ANKRD44: variants seen among roughly 807,000 people sequenced by gnomAD.
ANKRD44 encodes the protein ankyrin repeat domain 44.
A neutral mutation model predicts 116.0 loss-of-function variants in ANKRD44; 35 were observed. That is an observed-to-expected ratio of 0.30 (90% CI 0.23 to 0.40). ANKRD44 has a LOEUF of 0.40. Ranked by LOEUF, ANKRD44 falls within the 10% of genes least tolerant of loss-of-function variation. The probability of loss-of-function intolerance (pLI) is 1.00; values close to 1 mark genes in which losing one functional copy is unlikely to be tolerated. For missense variants in ANKRD44, 1,014 were observed against 1,242.6 expected, an observed-to-expected ratio of 0.82 and a Z score of 2.77; for synonymous variants, 435 against 461.8, an observed-to-expected ratio of 0.94 and a Z score of 0.74.
chr2:197,105,799 G>A (rs1452773193), intron 9 of ANKRD44, among the ~76,000 whole-genome samples: 1 of 152,166 alleles, frequency 6.6e-6, no homozygotes, highest in Non-Finnish European at 1.5e-5. Context: ...ATACCTCAGA[G>A]CAATCCAGTG....
downstream of ANKRD44, among the ~76,000 whole-genome samples, chr2:196,985,003 G>A (rs1455898804): frequency 6.6e-6 from 1 of 152,182 alleles, no homozygotes; most frequent in Admixed American, 6.5e-5. Context: ...AAATTCAGTT[G>A]CAAAAATCTG....
At chr2:197,010,245 G>T (rs2076273341) in intron 18 of ANKRD44, among the ~76,000 whole-genome samples, 1 of 152,176 alleles carries the variant, frequency 6.6e-6, no homozygotes, top group African/African-American at 2.4e-5. Context: ...CCTCACGCCG[G>T]CTGGGTGTGC....
intron 1 of ANKRD44, chr2:197,251,074 T>A (rs2082306226): frequency 6.6e-6 from 1 of 152,212 alleles, no homozygotes; most frequent in African/African-American, 2.4e-5. Flanking sequence ...AATATATTTT[T>A]AAATGTTTTT....
Position 197,083,367 on chromosome 2 carries a change from A to C in ANKRD44, c.1457+2T>G, listed in dbSNP as rs2077842543. ...AGGAAGCATGAGCAAGGCTGTTTTT[A>C]CTTTCTATCCATGTCTGATGCAGCG... On this transcript the variant is annotated splice_donor_variant, in intron 14 of 27. Coordinates refer to ENST00000282272, the MANE Select transcript of ANKRD44 (RefSeq NM_001195144.2). LOFTEE classifies it high-confidence loss of function. 6.2e-7 allele frequency: 1 copy of C among 1,610,812 alleles called. No homozygotes were observed.
chr2:197,005,985 T>C (rs958814506), intron 20 of ANKRD44, 75 bp from the exon 21 acceptor site: 1 of 1,421,330 alleles, frequency 7.0e-7, no homozygotes, highest in African/African-American at 1.4e-5. Flanking sequence ...TAAGTGAGGC[T>C]GGGCTTAGAG....
At chr2:197,144,145 T>C (rs2079439957) in intron 3 of ANKRD44, among the ~76,000 whole-genome samples, 1 of 152,238 alleles carries the variant, frequency 6.6e-6, no homozygotes, top group Non-Finnish European at 1.5e-5. Flanking sequence ...AAGGGCTGAA[T>C]TCTTCGCCAA....
intron 1 of ANKRD44, among the ~76,000 whole-genome samples, chr2:197,214,368 T>G (rs771156699): frequency 6.6e-6 from 1 of 152,026 alleles, no homozygotes; most frequent in Non-Finnish European, 1.5e-5. Flanking sequence ...AAAAAAACAG[T>G]AAACAAAACT....
At position 197,284,500 on chromosome 2, in the gene ANKRD44, TCAAACA is replaced by T. The variant is rs1422702026; in HGVS notation, c.27+26072_27+26077del. On this transcript the variant is annotated intron_variant, in intron 1 of 27. Transcript: ENST00000282272. ...AACAAGAACTCACGGCAACAGAGAG[TCAAACA>T]CACACACACACACACACACACACAC... Among the ~76,000 whole-genome samples the T allele has an allele frequency of 1.3e-4, 13 of 102,576 alleles. No individual in the cohort carries two copies. In the East Asian group the frequency reaches 3.2e-3, roughly 25 times the overall value. The allele number at this position is 102,576 out of a possible 152,430, so 67.3% of individuals were successfully genotyped here.
At chr2:197,280,372 T>C (rs1160070382) in intron 1 of ANKRD44, among the ~76,000 whole-genome samples, 2 of 152,206 alleles carry the variant, frequency 1.3e-5, no homozygotes, top group Non-Finnish European at 2.9e-5. Context: ...AAACTGCTCG[T>C]AACAAAAGCA....
intron 1 of ANKRD44, among the ~76,000 whole-genome samples, chr2:197,262,862 G>T (rs1231036391): frequency 2.2e-5 from 3 of 136,972 alleles, no homozygotes; most frequent in African/African-American, 8.4e-5. Flanking sequence ...CCGAGATCAC[G>T]CCACTGCACT....
chr2:197,276,237 C>T (rs568361120), intron 1 of ANKRD44, among the ~76,000 whole-genome samples: 4 of 145,612 alleles, frequency 2.7e-5, no homozygotes, highest in African/African-American at 7.5e-5. Flanking sequence ...ATCATGCCAC[C>T]GCACTCCAGC....
intron 1 of ANKRD44, among the ~76,000 whole-genome samples, chr2:197,197,806 T>A: frequency 3.8e-5 from 1 of 26,296 alleles, no homozygotes; most frequent in Admixed American, 6.0e-4. Context: ...TGAAATCCTG[T>A]CTCAAAAAAA....
At chr2:197,045,828 TA>T (rs2076991412) in intron 16 of ANKRD44, among the ~76,000 whole-genome samples, 1 of 152,148 alleles carries the variant, frequency 6.6e-6, no homozygotes, top group African/African-American at 2.4e-5. Context: ...CCAGAGAAGA[TA>T]CTCAATAAAT....
intron 9 of ANKRD44, among the ~76,000 whole-genome samples, chr2:197,104,261 C>T (rs539695323): frequency 2.3e-3 from 350 of 152,288 alleles, no homozygotes; most frequent in Non-Finnish European, 4.0e-3. Context: ...GCTGGGATTA[C>T]AGGTGCTTGC....
At chr2:197,010,250 G>T (rs1056507156) in intron 18 of ANKRD44, among the ~76,000 whole-genome samples, 2 of 152,166 alleles carry the variant, frequency 1.3e-5, no homozygotes, top group Admixed American at 6.5e-5. Context: ...CGCCGGCTGG[G>T]TGTGCACGCT....
chr2:197,025,397 C>T (rs957869305), intron 16 of ANKRD44, 130 bp from the exon 17 acceptor site: 31 of 627,686 alleles, frequency 4.9e-5, no homozygotes, highest in Non-Finnish European at 5.1e-5. Context: ...TATGATATAA[C>T]ATATCTAAAA....
At chr2:197,300,226 C>T (rs753891526) in intron 1 of ANKRD44, among the ~76,000 whole-genome samples, 1 of 152,152 alleles carries the variant, frequency 6.6e-6, no homozygotes, top group African/African-American at 2.4e-5. Context: ...ATGCAAACAC[C>T]TCTCCTATCC....
chr2:197,209,117 C>T (rs2081272172), intron 1 of ANKRD44, among the ~76,000 whole-genome samples: 1 of 152,174 alleles, frequency 6.6e-6, no homozygotes, highest in Non-Finnish European at 1.5e-5. Context: ...ATTCTCATGG[C>T]TGTTCAGAGA....
intron 1 of ANKRD44, among the ~76,000 whole-genome samples, chr2:197,223,027 G>T (rs1292470455): frequency 1.3e-5 from 2 of 151,966 alleles, no homozygotes; most frequent in African/African-American, 4.8e-5. Flanking sequence ...TGGCCAGGCT[G>T]GTCTCGAACT....
Sources: gnomAD v4.1 joint callset for allele counts (sites outside exome capture counted in the v4.1 genomes callset) on GRCh38, gnomAD v4.1.1 for gene constraint, MANE v1.5 for transcripts, NCBI Gene and HGNC (gene_info 2026-07-23, HGNC 2026-07-21) for gene names.